The following TENM1 variants were observed in gnomAD, a reference collection of about 807,000 sequenced individuals.
The protein encoded by TENM1 is teneurin-1.
Under a neutral mutation model 174.8 loss-of-function variants are expected in TENM1, and 35 were observed. That is an observed-to-expected ratio of 0.20 (90% CI 0.15 to 0.27). The LOEUF (loss-of-function observed/expected upper bound fraction) is 0.27. TENM1 is among the 10% of genes least tolerant of loss of function. The pLI is 1.00. For missense variants in TENM1, 1,633 were observed against 2,130.1 expected, an observed-to-expected ratio of 0.77 and a Z score of 4.59; for synonymous variants, 781 against 798.7, an observed-to-expected ratio of 0.98 and a Z score of 0.37.
At chrX:125,072,012 C>T in the TENM1 span, among the ~76,000 whole-genome samples, 3 of 110,815 alleles carry the variant, frequency 2.7e-5, no homozygotes, top group African/African-American at 9.8e-5. Context: ...AGGTGGGAAC[C>T]AAGGCACAGG....
At chrX:124,744,792 C>T (rs938405282) in intron 3 of TENM1, among the ~76,000 whole-genome samples, 3 of 111,332 alleles carry the variant, frequency 2.7e-5, no homozygotes, top group African/African-American at 9.8e-5. Flanking sequence ...AAGAGATATC[C>T]TGAACATTTA....
At chrX:125,028,821 G>A in the TENM1 span, among the ~76,000 whole-genome samples, 1 of 111,429 alleles carries the variant, frequency 9.0e-6, no homozygotes, top group African/African-American at 3.3e-5. Flanking sequence ...GGGTGAAAGA[G>A]GGAAGAATGG....
intron 6 of TENM1, among the ~76,000 whole-genome samples, chrX:124,670,597 TA>T (rs893033298): frequency 9.0e-6 from 1 of 111,289 alleles, no homozygotes; most frequent in African/African-American, 3.3e-5. Context: ...GAGCAAACCA[TA>T]ATATTTTCCT....
chrX:124,509,912 C>T (rs1007680727), intron 18 of TENM1, among the ~76,000 whole-genome samples: 3 of 109,110 alleles, frequency 2.7e-5, no homozygotes, highest in Admixed American at 1.9e-4. Flanking sequence ...TTAGTAGAGA[C>T]GGTGTTTCAC....
At chrX:124,523,586 T>C (rs770429273) in exon 17 of TENM1, 16 of 1,209,899 alleles carry the variant, frequency 1.3e-5, no homozygotes, top group Non-Finnish European at 1.7e-5. Context: ...GGTCGAAGAT[T>C]AAGATGACAG....
rs368781523 is a variant in TENM1 at position 124,756,786 on chromosome X, C to T, written c.536-19589G>A. 7.2e-4 allele frequency among the ~76,000 whole-genome samples: 81 copies of T among 112,213 alleles called. No individual in the cohort carries two copies. The East Asian group carries it at 0.018, about 25-fold the overall frequency. Reference sequence around the variant, plus strand: ...ACCCTGTTTGCCTGGGTACCAGCAGCAGTGGCTGCAGAACAGTGGATTTAC... The same window carrying T: ...ACCCTGTTTGCCTGGGTACCAGCAGTAGTGGCTGCAGAACAGTGGATTTAC... On this transcript the variant is annotated intron_variant, in intron 3 of 31. Coordinates refer to ENST00000422452, the Ensembl canonical transcript of TENM1.
intron 17 of TENM1, among the ~76,000 whole-genome samples, chrX:124,521,988 C>G (rs1411822018): frequency 1.8e-5 from 2 of 111,865 alleles, no homozygotes; most frequent in African/African-American, 3.3e-5. Context: ...TAGCCTGACA[C>G]TCACCAACTT....
intron 22 of TENM1, among the ~76,000 whole-genome samples, chrX:124,467,973 G>A (rs2061258797): frequency 1.8e-5 from 2 of 110,095 alleles, no homozygotes; most frequent in South Asian, 7.9e-4. Flanking sequence ...TGGCCAGGCT[G>A]GTCTCGAACT....
intron 4 of TENM1, among the ~76,000 whole-genome samples, chrX:124,734,659 TTGA>T (rs1296901484): frequency 9.0e-6 from 1 of 110,875 alleles, no homozygotes; most frequent in African/African-American, 3.3e-5. Flanking sequence ...TTGCAGTTTG[TTGA>T]TGGTGAAATA....
At chrX:124,463,527 G>A (rs1372359484) in intron 22 of TENM1, among the ~76,000 whole-genome samples, 2 of 111,353 alleles carry the variant, frequency 1.8e-5, no homozygotes, top group Non-Finnish European at 3.8e-5. Context: ...AGTCCATGGA[G>A]CATTATGTAA....
chrX:125,182,866 G>A, the TENM1 span, among the ~76,000 whole-genome samples: 1 of 111,474 alleles, frequency 9.0e-6, no homozygotes, highest in Admixed American at 9.5e-5. Context: ...TACATATCTT[G>A]AAAAATGAAT....
chrX:124,922,953 C>T (rs2058044167), intron 1 of TENM1, among the ~76,000 whole-genome samples: 1 of 111,343 alleles, frequency 9.0e-6, no homozygotes, highest in Non-Finnish European at 1.9e-5. Context: ...TTCCTTGTGG[C>T]AAAGTACATG....
chrX:124,452,705 T>C (rs918541102), intron 23 of TENM1, among the ~76,000 whole-genome samples: 1 of 110,693 alleles, frequency 9.0e-6, no homozygotes, highest in Admixed American at 9.6e-5. Context: ...AATGAGTTCA[T>C]ACCCTTTGTA....
At chrX:125,155,408 C>T in the TENM1 span, among the ~76,000 whole-genome samples, 49 of 112,350 alleles carry the variant, frequency 4.4e-4, no homozygotes, top group Non-Finnish European at 8.1e-4. Context: ...TGGCTTCACC[C>T]AGTGGATCTC....
intron 3 of TENM1, among the ~76,000 whole-genome samples, chrX:124,876,983 T>G (rs1304242346): frequency 8.9e-6 from 1 of 112,337 alleles, no homozygotes; most frequent in Non-Finnish European, 1.9e-5. Context: ...GTTCTTGAAT[T>G]TATTAGTTAG....
intron 3 of TENM1, among the ~76,000 whole-genome samples, chrX:124,869,131 G>T (rs2057062225): frequency 1.8e-5 from 2 of 108,538 alleles, no homozygotes; most frequent in Admixed American, 2.0e-4. Flanking sequence ...TACTCTAGAA[G>T]CTGAGGCATA....
At chrX:124,701,914 G>A (rs1480498402) in intron 5 of TENM1, among the ~76,000 whole-genome samples, 1 of 111,656 alleles carries the variant, frequency 9.0e-6, no homozygotes, top group East Asian at 2.8e-4. Context: ...CATTGATATC[G>A]ATGCGATTTC....
At chrX:124,605,686 T>A (rs2148291787) in intron 11 of TENM1, among the ~76,000 whole-genome samples, 1 of 111,804 alleles carries the variant, frequency 8.9e-6, no homozygotes, top group Admixed American at 9.5e-5. Flanking sequence ...GAGACATTAC[T>A]CATCCTTGGG....
the TENM1 span, among the ~76,000 whole-genome samples, chrX:124,988,016 T>G: frequency 1.8e-5 from 2 of 111,229 alleles, no homozygotes; most frequent in Non-Finnish European, 3.8e-5. Context: ...TTCTTATTGG[T>G]AACAAAAATC....
Sources: allele counts gnomAD v4.1 joint callset (sites outside exome capture counted in the v4.1 genomes callset), GRCh38; gene constraint gnomAD v4.1.1; transcripts MANE v1.5; gene names NCBI Gene and HGNC (gene_info 2026-07-23, HGNC 2026-07-21).